Variants in UHMK1 observed in about 807,000 individuals in gnomAD.
The protein encoded by UHMK1 is serine/threonine-protein kinase Kist.
UHMK1 carries 18 observed loss-of-function variants against 44.0 expected under a neutral mutation model. The observed-to-expected ratio is 0.41, with a 90% CI of 0.28 to 0.61. The LOEUF (loss-of-function observed/expected upper bound fraction) is 0.61. Ranked by LOEUF, UHMK1 falls within the 20% of genes least tolerant of loss-of-function variation. The probability of loss-of-function intolerance (pLI) is 0.31; values close to 1 mark genes in which losing one functional copy is unlikely to be tolerated. For synonymous variants in UHMK1, 231 were observed against 198.5 expected (o/e 1.16, Z -1.38); for missense variants, 463 against 522.5 (o/e 0.89, Z 1.11).
In UHMK1 at chr1:162,507,816, G is replaced by C. The variant is rs537439054; in HGVS notation, c.848+3968G>C. ...TTAGTCAGGATGGTCTCGATCTCCT[G>C]AACTCGTGATCCGCCTGCTTCGGCC... On this transcript the variant is annotated intron_variant, in intron 4 of 7. Transcript: ENST00000489294. 1.5e-4 allele frequency among the ~76,000 whole-genome samples: 23 copies of C among 151,944 alleles called. No homozygotes were observed. The South Asian group carries it at 4.6e-3, about 30-fold the overall frequency.
In UHMK1 at chr1:162,497,980, C is replaced by T; in HGVS notation, c.-21C>T. On this transcript the variant is annotated 5_prime_UTR_variant, in exon 1 of 8. Transcript: ENST00000489294. ...TCAGGCGTCGCGTCAGCTCCCGTGTCCGTGCCCTTAACCCACACCGATGGC... is the reference window on the plus strand; with the variant it reads ...TCAGGCGTCGCGTCAGCTCCCGTGTTCGTGCCCTTAACCCACACCGATGGC... 1 of 1,505,696 alleles carries T rather than the reference C, an allele frequency of 6.6e-7. No homozygotes were observed. The highest frequency in any genetic ancestry group is 2.2e-5 in the Admixed American group (1 of 45,752). The allele number at this position is 1,505,696 out of a possible 1,614,324, so 93.3% of individuals were successfully genotyped here.
chr1:162,509,383 G>A (rs1218514178), intron 4 of UHMK1, among the ~76,000 whole-genome samples: 1 of 152,138 alleles, frequency 6.6e-6, no homozygotes, highest in African/African-American at 2.4e-5. Context: ...AGGTCTTAGT[G>A]TCTAGATTAC....
intron 4 of UHMK1, among the ~76,000 whole-genome samples, chr1:162,507,622 T>G (rs1017601283): frequency 6.9e-6 from 1 of 145,640 alleles, no homozygotes; most frequent in Non-Finnish European, 1.5e-5. Flanking sequence ...AGTCTCACTC[T>G]GTCGCCCAGG....
intron 6 of UHMK1, 92 bp downstream of exon 6, chr1:162,512,915 C>A: frequency 8.2e-7 from 1 of 1,218,804 alleles, no homozygotes; most frequent in Non-Finnish European, 1.2e-6. Context: ...CTCAATTTAT[C>A]TAATGAGAAT....
rs1652090013 is a variant in UHMK1 at position 162,522,403 on chromosome 1, G to T, written c.1114-1G>T. On this transcript the variant is annotated splice_acceptor_variant, in intron 7 of 7. Transcript: ENST00000489294. LOFTEE classifies it high-confidence loss of function. ...ATGTTTTTTTCTCTGTCTTCTTTCAGGTCTTTGTTGAGTATGCAAATGCTG... is the reference window on the plus strand; with the variant it reads ...ATGTTTTTTTCTCTGTCTTCTTTCATGTCTTTGTTGAGTATGCAAATGCTG... The T allele has an allele frequency of 6.2e-7, 1 of 1,613,834 alleles. No individual in the cohort carries two copies. The highest frequency in any genetic ancestry group is 1.3e-5 in the African/African-American group (1 of 74,896).
At position 162,497,996 on chromosome 1, in the gene UHMK1, C is replaced by T. The variant is rs747428138; in HGVS notation, c.-5C>T. 1.3e-6 allele frequency: 2 copies of T among 1,572,230 alleles called. No homozygotes were observed. The highest frequency in any genetic ancestry group is 1.2e-5 in the South Asian group (1 of 86,184). On this transcript the variant is annotated 5_prime_UTR_variant, in exon 1 of 8. Transcript: ENST00000489294. Reference sequence around the variant, plus strand: ...CTCCCGTGTCCGTGCCCTTAACCCACACCGATGGCGGGATCCGGCTGCGCC... The same window carrying T: ...CTCCCGTGTCCGTGCCCTTAACCCATACCGATGGCGGGATCCGGCTGCGCC...
At chr1:162,497,396 G>A (rs1651085645), upstream of UHMK1, 1 of 649,494 alleles carries the variant, frequency 1.5e-6, no homozygotes, top group Non-Finnish European at 2.8e-6. Context: ...TTGGCGACAC[G>A]GGGGGCTTAG....
rs78169457 is a variant in UHMK1, at chr1:162,499,612, T to A, written c.269-343T>A. Among the ~76,000 whole-genome samples, 212 of 152,322 alleles carry A rather than the reference T, an allele frequency of 1.4e-3. 5 individuals are homozygous for A. In the East Asian group the frequency reaches 0.034, roughly 25 times the overall value. Reference sequence around the variant, plus strand: ...AGGACCTCATGATGCAACAGTAAGTTTTATTTATTTATATTTAGGTTTTTT... The same window carrying A: ...AGGACCTCATGATGCAACAGTAAGTATTATTTATTTATATTTAGGTTTTTT... On this transcript the variant is annotated intron_variant, in intron 1 of 7. Coordinates refer to ENST00000489294, the MANE Select transcript of UHMK1 (RefSeq NM_175866.5).
At chr1:162,514,927 T>TC (rs1651782795) in intron 6 of UHMK1, among the ~76,000 whole-genome samples, 1 of 152,234 alleles carries the variant, frequency 6.6e-6, no homozygotes. Flanking sequence ...TGTTCCTGCA[T>TC]AGTAACCAAA....
intron 1 of UHMK1, 69 bp from the exon 2 acceptor site, chr1:162,499,886 G>T: frequency 2.1e-6 from 3 of 1,448,596 alleles, no homozygotes; most frequent in Non-Finnish European, 2.8e-6. Context: ...AATTTGTACT[G>T]CAGTTACCTA....
intron 4 of UHMK1, among the ~76,000 whole-genome samples, chr1:162,506,297 A>AATT (rs1651466633): frequency 6.7e-6 from 1 of 149,854 alleles, no homozygotes; most frequent in Non-Finnish European, 1.5e-5. Flanking sequence ...GGAAAATAAA[A>AATT]ATTATAAACC....
chr1:162,500,869 G>C, intron 2 of UHMK1, 44 bp from the exon 3 acceptor site: 1 of 1,565,730 alleles, frequency 6.4e-7, no homozygotes, highest in East Asian at 2.3e-5. Flanking sequence ...GATAGAAAGG[G>C]AGCAGCTTTT....
rs369869606 is a variant in UHMK1 at position 162,498,201 on chromosome 1, T to C, written c.201T>C (p.Ser67=). ...CAGGAACCACCGGGGCTGCGGCCTC[T>C]GCCGCCGAGTATGGTTTCCGCAAAG... ...LPPGTTGAAA[S]AAEYGFRKER... is the part of the protein sequence containing the mutation. The change falls in exon 1 of 8, where the codon TCT becomes TCC. Residue 67 remains serine, a synonymous_variant. Transcript: ENST00000489294. 6.2e-7 allele frequency: 1 copy of C among 1,612,716 alleles called. No individual in the cohort carries two copies. The highest frequency in any genetic ancestry group is 1.7e-5 in the Admixed American group (1 of 59,964).
chr1:162,515,468 C>A (rs981326967), intron 6 of UHMK1, among the ~76,000 whole-genome samples: 1 of 152,034 alleles, frequency 6.6e-6, no homozygotes, highest in South Asian at 2.1e-4. Context: ...TATGACAGTA[C>A]CTCTTGTAAA....
intron 7 of UHMK1, among the ~76,000 whole-genome samples, chr1:162,518,541 G>T (rs1651925851): frequency 6.6e-6 from 1 of 152,024 alleles, no homozygotes. Context: ...AGTTAGCCAG[G>T]CGTGGTGGCA....
At chr1:162,517,194 G>C (rs1435334356) in intron 6 of UHMK1, among the ~76,000 whole-genome samples, 1 of 152,196 alleles carries the variant, frequency 6.6e-6, no homozygotes, top group Admixed American at 6.5e-5. Context: ...AGCTGCTTGA[G>C]AGGCTGAGGC....
At chr1:162,510,636 G>GT (rs202011181) in intron 4 of UHMK1, among the ~76,000 whole-genome samples, 4,133 of 141,424 alleles carry the variant, frequency 0.029, 188 homozygotes, top group African/African-American at 0.098. Context: ...TGTGTTTTTT[G>GT]TTTTTTTTTT....
rs1652335782 is a variant in UHMK1 at position 162,528,669 on chromosome 1, T to C, written c.*6119T>C. On this transcript the variant is annotated 3_prime_UTR_variant, in exon 8 of 8. Transcript: ENST00000489294. ...ATGGAAATAAGTATGTTTATTATAATAAAAAAAAGTTAAGCTGCATCTCTG... is the reference window on the plus strand; with the variant it reads ...ATGGAAATAAGTATGTTTATTATAACAAAAAAAAGTTAAGCTGCATCTCTG... 1 of 151,608 alleles carries C rather than the reference T, an allele frequency of 6.6e-6. No homozygotes were observed. Among genetic ancestry groups the C allele is most frequent in the Non-Finnish European group, 1.5e-5 (1 of 67,840 alleles). 9.4% of individuals were successfully genotyped at this position (151,608 alleles called of 1,614,324 possible). A position where few individuals can be genotyped will look rare whatever the true frequency, so the allele number is the denominator to read the frequency against.
Position 162,498,053 on chromosome 1 carries a change from C to A in UHMK1, c.53C>A (p.Ala18Asp). The change falls in exon 1 of 8, where the codon GCC (alanine) becomes GAC (aspartate). Residue 18 changes from alanine to aspartate, a missense_variant. Around this residue, in one of 3 missense-constraint regions of UHMK1, gnomAD observed 191 missense variants for 176.0 expected, o/e 1.09. Transcript: ENST00000489294. ...GCGGAGCCGCCGCGTTTTCTGGAGG[C>A]CTTCGGGCGGCTGTGGCAGGTACAG... Reference protein sequence around the residue: ...WGAEPPRFLEAFGRLWQVQSR... With the variant: ...WGAEPPRFLEDFGRLWQVQSR... The A allele has an allele frequency of 1.2e-6, 2 of 1,604,538 alleles. No individual in the cohort carries two copies. The highest frequency in any genetic ancestry group is 1.3e-5 in the African/African-American group (1 of 74,596).
Sources: allele counts gnomAD v4.1 joint callset (sites outside exome capture counted in the v4.1 genomes callset), GRCh38; gene constraint gnomAD v4.1.1; regional missense constraint gnomAD v4.1.1; transcripts MANE v1.5; gene names NCBI Gene and HGNC (gene_info 2026-07-23, HGNC 2026-07-21).